FOSB: variants seen among roughly 807,000 people sequenced by gnomAD.
FOSB encodes protein FosB.
Under a neutral mutation model 31.1 loss-of-function variants are expected in FOSB, and 8 were observed. That is an observed-to-expected ratio of 0.26 (90% CI 0.15 to 0.46). The LOEUF is 0.46. Ranked by LOEUF, FOSB falls within the 20% of genes least tolerant of loss-of-function variation. FOSB has a pLI of 0.99. For missense variants in FOSB, 376 were observed against 460.6 expected (o/e 0.82, Z 1.68); for synonymous variants, 214 against 206.1 (o/e 1.04, Z -0.33).
rs979612842 is a variant in FOSB, at chr19:45,472,212, G to A, written c.556-339G>A. The A allele has an allele frequency of 2.3e-4, 44 of 195,468 alleles. No individual in the cohort carries two copies. The highest frequency in any genetic ancestry group is 3.1e-5 in the Non-Finnish European group (3 of 97,182). 12.1% of individuals were successfully genotyped at this position (195,468 alleles called of 1,614,324 possible). On this transcript the variant is annotated intron_variant, in intron 3 of 3. Coordinates refer to ENST00000353609, the MANE Select transcript of FOSB (RefSeq NM_006732.3). The surrounding 1 kb of genome is among the most constrained non-coding windows in gnomAD (Gnocchi z 5.4). ...TGCACTATTGCACTCCAGCCTGGGG[G>A]ACAGAGCGAGACTCTGGCTCAAAAG...
At position 45,473,073 on chromosome 19, in the gene FOSB, GAGGAGGAGA is replaced by G; in HGVS notation, c.*71_*79del. The stretch of plus-strand genomic sequence containing the variant: ...GGAGAGAGACTTGGAAGAGGAGGAG[GAGGAGGAGA>G]AGGAGGAGAGAGAGGGGAAGAGACA... On this transcript the variant is annotated 3_prime_UTR_variant, in exon 4 of 4. Transcript: ENST00000353609. The G allele has an allele frequency of 4.0e-6, 6 of 1,490,608 alleles. No individual in the cohort carries two copies. Among genetic ancestry groups the G allele is most frequent in the Non-Finnish European group, 3.7e-6 (4 of 1,092,540 alleles). The allele number at this position is 1,490,608 out of a possible 1,614,324, so 92.3% of individuals were successfully genotyped here. A position where few individuals can be genotyped will look rare whatever the true frequency, so the allele number is the denominator to read the frequency against.
In FOSB at chr19:45,472,435, C is replaced by A; in HGVS notation, c.556-116C>A. 1 of 802,210 alleles carries A rather than the reference C, an allele frequency of 1.2e-6. No individual in the cohort carries two copies. Among genetic ancestry groups the A allele is most frequent in the Non-Finnish European group, 1.9e-6 (1 of 527,178 alleles). The allele number at this position is 802,210 out of a possible 1,614,324, so 49.7% of individuals were successfully genotyped here. A position where few individuals can be genotyped will look rare whatever the true frequency, so the allele number is the denominator to read the frequency against. The stretch of plus-strand genomic sequence containing the variant: ...ATCTCAGGAGGTGTTTTTTCTCAGC[C>A]CGGGGCTGCCTTCCAGCAGCAAGTC... On this transcript the variant is annotated intron_variant, in intron 3 of 3. Transcript: ENST00000353609. The surrounding 1 kb of genome is among the most constrained non-coding windows in gnomAD (Gnocchi z 5.4).
chr19:45,471,181 C>T lies in FOSB; in HGVS notation c.448-13C>T, dbSNP rs1447865718. ...TATCCCCAAATCTCATGGCCTCTAT[C>T]TCCCTGACTCAGCTCACCCCAGAGG... On this transcript the variant is annotated splice_polypyrimidine_tract_variant and intron_variant, in intron 2 of 3. Coordinates refer to ENST00000353609, the MANE Select transcript of FOSB (RefSeq NM_006732.3). 2.6e-6 allele frequency: 4 copies of T among 1,552,816 alleles called. No individual in the cohort carries two copies. Among genetic ancestry groups the T allele is most frequent in the African/African-American group, 2.7e-5 (2 of 73,162 alleles).
chr19:45,470,406 G>A (rs1331557966), intron 1 of FOSB: 1 of 555,476 alleles, frequency 1.8e-6, no homozygotes, highest in African/African-American at 1.9e-5. Context: ...CGAGGAAGAA[G>A]GAGGAGGTAG....
chr19:45,469,411 C>A (rs937525047), intron 1 of FOSB, among the ~76,000 whole-genome samples: 4 of 152,260 alleles, frequency 2.6e-5, no homozygotes, highest in Non-Finnish European at 5.9e-5. Flanking sequence ...GGGGCGCACG[C>A]CTTGGCCAAT....
Position 45,473,338 on chromosome 19 carries a change from G to A in FOSB, c.*326G>A, listed in dbSNP as rs1279822094. ...AGCTCTGGGGATGGGTGGGGAGGGG[G>A]GCGGGTGACGCCCACCTTCGGGCAG... is the stretch of plus-strand genomic sequence containing the variant. On this transcript the variant is annotated 3_prime_UTR_variant, in exon 4 of 4. Transcript: ENST00000353609. The A allele has an allele frequency of 3.2e-6, 1 of 316,392 alleles. No homozygotes were observed. Among genetic ancestry groups the A allele is most frequent in the African/African-American group, 2.2e-5 (1 of 45,972 alleles). The allele number at this position is 316,392 out of a possible 1,614,324, so 19.6% of individuals were successfully genotyped here. A position where few individuals can be genotyped will look rare whatever the true frequency, so the allele number is the denominator to read the frequency against.
rs28381251 is a variant in FOSB at position 45,473,173 on chromosome 19, G to C, written c.*161G>C. The stretch of plus-strand genomic sequence containing the variant: ...CTGCGGCCACTGCGCCACTGCCATC[G>C]GACAGGAGGATTCCTTGTGTTTTGT... On this transcript the variant is annotated 3_prime_UTR_variant, in exon 4 of 4. Transcript: ENST00000353609. 5,486 of 643,390 alleles carry C rather than the reference G, an allele frequency of 8.5e-3. 222 individuals are homozygous for C. The African/African-American group carries it at 0.087, about 10-fold the overall frequency. 39.9% of individuals were successfully genotyped at this position (643,390 alleles called of 1,614,324 possible). A position where few individuals can be genotyped will look rare whatever the true frequency, so the allele number is the denominator to read the frequency against.
Position 45,472,772 on chromosome 19 carries a change from G to C in FOSB, c.777G>C (p.Pro259=), listed in dbSNP as rs1010929595. ...EDGFSWLLPP[P]PPPPLPFQTS... ...GCTTCAGCTGGCTGCTGCCGCCCCC[G>C]CCACCACCGCCCCTGCCCTTCCAGA... Residue 259 remains proline (P), a synonymous_variant, in exon 4 of 4, where the codon CCG becomes CCC. Transcript: ENST00000353609. This position sits in a 1 kb window ranked among gnomAD's most constrained non-coding sequence, Gnocchi z 5.4. The C allele has an allele frequency of 6.2e-7, 1 of 1,613,672 alleles. No individual in the cohort carries two copies. Among genetic ancestry groups the C allele is most frequent in the East Asian group, 2.2e-5 (1 of 44,876 alleles).
chr19:45,473,064 G>T lies in FOSB; in HGVS notation c.*52G>T. 1 of 1,336,740 alleles carries T rather than the reference G, an allele frequency of 7.5e-7. No individual in the cohort carries two copies. The highest frequency in any genetic ancestry group is 1.0e-6 in the Non-Finnish European group (1 of 964,922). The allele number at this position is 1,336,740 out of a possible 1,614,324, so 82.8% of individuals were successfully genotyped here. ...ACACATGGGGGAGAGAGACTTGGAA[G>T]AGGAGGAGGAGGAGGAGAAGGAGGA... On this transcript the variant is annotated 3_prime_UTR_variant, in exon 4 of 4. Coordinates refer to ENST00000353609, the MANE Select transcript of FOSB (RefSeq NM_006732.3).
rs773891265 is a variant in FOSB at position 45,472,949 on chromosome 19, A to G, written c.954A>G (p.Gln318=). 5 of 1,613,424 alleles carry G rather than the reference A, an allele frequency of 3.1e-6. No individual in the cohort carries two copies. The highest frequency in any genetic ancestry group is 1.6e-4 in the Middle Eastern group (1 of 6,062). The change falls in exon 4 of 4, where the codon CAA becomes CAG. Residue 318 remains glutamine, a synonymous_variant. Coordinates refer to ENST00000353609, the MANE Select transcript of FOSB (RefSeq NM_006732.3). This position sits in a 1 kb window ranked among gnomAD's most constrained non-coding sequence, Gnocchi z 5.4. ...AGGTCTCCGCGTTCGCCGGCGCCCA[A>G]CGCACCAGCGGCAGTGACCAGCCTT... ...CPEVSAFAGA[Q]RTSGSDQPSD...
rs750680838 is a variant in FOSB at position 45,472,997 on chromosome 19, C to T, written c.1002C>T (p.Ser334=). 1.2e-6 allele frequency: 2 copies of T among 1,609,354 alleles called. No homozygotes were observed. The highest frequency in any genetic ancestry group is 2.2e-5 in the South Asian group (2 of 91,058). The part of the protein sequence containing the change: ...DQPSDPLNSP[S]LLAL ...CTTCCGATCCCCTGAACTCGCCCTC[C>T]CTCCTCGCTCTGTGAACTCTTTAGA... The change falls in exon 4 of 4, where the codon TCC becomes TCT. Residue 334 remains serine (S), a synonymous_variant. Transcript: ENST00000353609. This position sits in a 1 kb window ranked among gnomAD's most constrained non-coding sequence, Gnocchi z 5.4.
chr19:45,470,990 G>A (rs373493006), intron 2 of FOSB, 41 bp downstream of exon 2: 49 of 1,590,216 alleles, frequency 3.1e-5, no homozygotes, highest in African/African-American at 6.7e-5. Context: ...GTAGGGGGAA[G>A]CAAGAGAGGC....
chr19:45,473,045 G>A lies in FOSB; in HGVS notation c.*33G>A, dbSNP rs1291736077. 1 of 1,559,316 alleles carries A rather than the reference G, an allele frequency of 6.4e-7. No individual in the cohort carries two copies. Among genetic ancestry groups the A allele is most frequent in the East Asian group, 2.2e-5 (1 of 44,508 alleles). On this transcript the variant is annotated 3_prime_UTR_variant, in exon 4 of 4. Coordinates refer to ENST00000353609, the MANE Select transcript of FOSB (RefSeq NM_006732.3). ...AGACACACAAAACAAACAAACACAT[G>A]GGGGAGAGAGACTTGGAAGAGGAGG...
At position 45,468,524 on chromosome 19, in the gene FOSB, G is replaced by A; in HGVS notation, c.-63G>A. On this transcript the variant is annotated 5_prime_UTR_variant, in exon 1 of 4. Coordinates refer to ENST00000353609, the MANE Select transcript of FOSB (RefSeq NM_006732.3). The surrounding 1 kb of genome is among the most constrained non-coding windows in gnomAD (Gnocchi z 4.8). Reference sequence around the variant, plus strand: ...ACTTGCACCTTACTTCCCCAACCCGGCCATAGCCTTGGCTTCCCGGCGACC... The same window carrying A: ...ACTTGCACCTTACTTCCCCAACCCGACCATAGCCTTGGCTTCCCGGCGACC... The A allele has an allele frequency of 2.6e-6, 4 of 1,553,026 alleles. No individual in the cohort carries two copies. The South Asian group carries it at 3.6e-5, about 14-fold the overall frequency.
rs777580880 is a variant in FOSB at position 45,473,016 on chromosome 19, C to T, written c.*4C>T. ...GCCCTCCCTCCTCGCTCTGTGAACT[C>T]TTTAGACACACAAAACAAACAAACA... On this transcript the variant is annotated 3_prime_UTR_variant, in exon 4 of 4. Transcript: ENST00000353609. 3.6e-5 allele frequency: 57 copies of T among 1,603,204 alleles called. 1 individual carries two copies. The South Asian group carries it at 6.3e-4, about 18-fold the overall frequency.
intron 3 of FOSB, chr19:45,471,503 C>CCG (rs1284473374): frequency 2.3e-6 from 1 of 438,888 alleles, no homozygotes; most frequent in Non-Finnish European, 4.2e-6. Context: ...TGGTCCCCCC[C>CCG]CCATTTCCTG....
At position 45,468,464 on chromosome 19, in the gene FOSB, C is replaced by A; in HGVS notation, c.-123C>A. Reference sequence around the variant, plus strand: ...CCGGACAGCGTACTTTGAGGACTCGCTCAGCTCACCGGGGACTCCCACGGC... The same window carrying A: ...CCGGACAGCGTACTTTGAGGACTCGATCAGCTCACCGGGGACTCCCACGGC... On this transcript the variant is annotated 5_prime_UTR_variant, in exon 1 of 4. Coordinates refer to ENST00000353609, the MANE Select transcript of FOSB (RefSeq NM_006732.3). The surrounding 1 kb of genome is among the most constrained non-coding windows in gnomAD (Gnocchi z 4.8). 1 of 1,054,988 alleles carries A rather than the reference C, an allele frequency of 9.5e-7. No homozygotes were observed. The highest frequency in any genetic ancestry group is 1.4e-6 in the Non-Finnish European group (1 of 724,040). 65.4% of individuals were successfully genotyped at this position (1,054,988 alleles called of 1,614,324 possible). A position where few individuals can be genotyped will look rare whatever the true frequency, so the allele number is the denominator to read the frequency against.
chr19:45,472,224 C>A lies in FOSB; in HGVS notation c.556-327C>A, dbSNP rs112253787. ...CTCCAGCCTGGGGGACAGAGCGAGACTCTGGCTCAAAAGCAAAACAAAACC... is the reference window on the plus strand; with the variant it reads ...CTCCAGCCTGGGGGACAGAGCGAGAATCTGGCTCAAAAGCAAAACAAAACC... On this transcript the variant is annotated intron_variant, in intron 3 of 3. Transcript: ENST00000353609. This position sits in a 1 kb window ranked among gnomAD's most constrained non-coding sequence, Gnocchi z 5.4. 0.013 allele frequency: 2,839 copies of A among 217,926 alleles called. 53 individuals carry two copies. Among genetic ancestry groups the A allele is most frequent in the Middle Eastern group, 0.022 (15 of 670 alleles). 13.5% of individuals were successfully genotyped at this position (217,926 alleles called of 1,614,324 possible).
In FOSB at chr19:45,470,409, G is replaced by A. The variant is rs546791434; in HGVS notation, c.127-220G>A. ...GCAACCTTTCCCCGAGGAAGAAGGA[G>A]GAGGTAGAAGCCAGTTGAGCAGAAA... On this transcript the variant is annotated intron_variant, in intron 1 of 3. Coordinates refer to ENST00000353609, the MANE Select transcript of FOSB (RefSeq NM_006732.3). 4 of 556,928 alleles carry A rather than the reference G, an allele frequency of 7.2e-6. No individual in the cohort carries two copies. The East Asian group carries it at 8.7e-5, about 12-fold the overall frequency. The allele number at this position is 556,928 out of a possible 1,614,324, so 34.5% of individuals were successfully genotyped here.
Sources: allele counts gnomAD v4.1 joint callset (sites outside exome capture counted in the v4.1 genomes callset), GRCh38; gene constraint gnomAD v4.1.1; non-coding constraint Gnocchi (gnomAD v3.1); transcripts MANE v1.5; gene names NCBI Gene and HGNC (gene_info 2026-07-23, HGNC 2026-07-21).